TPX2: variants seen among roughly 807,000 people sequenced by gnomAD.
TPX2 encodes targeting protein for Xklp2.
TPX2 carries 21 observed loss-of-function variants against 93.6 expected under a neutral mutation model. The observed-to-expected ratio is 0.22, with a 90% CI of 0.16 to 0.32. The LOEUF is 0.32. Among genes scored for constraint, TPX2 ranks in the 10% least tolerant of loss-of-function variants. The probability of loss-of-function intolerance (pLI) is 1.00; values close to 1 mark genes in which losing one functional copy is unlikely to be tolerated. For missense variants in TPX2, 776 were observed against 871.1 expected (o/e 0.89, Z 1.37); for synonymous variants, 281 against 298.3 (o/e 0.94, Z 0.60).
At chr20:31,773,143 ATTTTTT>A (rs769516478) in intron 7 of TPX2, among the ~76,000 whole-genome samples, 1 of 102,356 alleles carries the variant, frequency 9.8e-6, no homozygotes, top group East Asian at 2.5e-4. Flanking sequence ...CACCCGGCTA[ATTTTTT>A]TTTTTTTTTT....
chr20:31,763,774 C>T lies in TPX2; in HGVS notation c.230-2782C>T, dbSNP rs1462382854. On this transcript the variant is annotated intron_variant, in intron 4 of 17. Coordinates refer to ENST00000300403, the MANE Select transcript of TPX2 (RefSeq NM_012112.5). ...ATACCTCATGCCTGTAATCCCAGCA[C>T]TTTGGGAGGCTGAGGTGGGCGGATC... is the stretch of plus-strand genomic sequence containing the variant. Among the ~76,000 whole-genome samples, 2 of 146,816 alleles carry T rather than the reference C, an allele frequency of 1.4e-5. 1 individual carries two copies. The highest frequency in any genetic ancestry group is 3.0e-5 in the Non-Finnish European group (2 of 67,162).
At position 31,798,572 on chromosome 20, in the gene TPX2, C is replaced by A; in HGVS notation, c.2133+20C>A. 1 of 1,580,548 alleles carries A rather than the reference C, an allele frequency of 6.3e-7. No individual in the cohort carries two copies. The highest frequency in any genetic ancestry group is 8.6e-7 in the Non-Finnish European group (1 of 1,166,886). On this transcript the variant is annotated intron_variant, in intron 17 of 17. Transcript: ENST00000300403. ...GAACTGGTAACTGGGAGCATGAGCA[C>A]TGACGAACACAAACATGCCTCTGTT...
At chr20:31,746,479 C>CTTAA (rs1482112690) in intron 2 of TPX2, among the ~76,000 whole-genome samples, 1 of 152,188 alleles carries the variant, frequency 6.6e-6, no homozygotes, top group East Asian at 1.9e-4. Context: ...ATGGGACCAT[C>CTTAA]TTAACTAACT....
At chr20:31,745,896 C>A (rs2061781237) in intron 2 of TPX2, among the ~76,000 whole-genome samples, 1 of 152,188 alleles carries the variant, frequency 6.6e-6, no homozygotes, top group South Asian at 2.1e-4. Flanking sequence ...TGATTTCCAT[C>A]TAGGTCCTAT....
chr20:31,791,786 G>C (rs1203322861), intron 12 of TPX2, among the ~76,000 whole-genome samples: 3 of 152,172 alleles, frequency 2.0e-5, no homozygotes, highest in Non-Finnish European at 4.4e-5. Context: ...ATGGGGGCAG[G>C]ATGTGGACAC....
At chr20:31,786,407 T>TG (rs2062066828) in intron 12 of TPX2, among the ~76,000 whole-genome samples, 8 of 142,390 alleles carry the variant, frequency 5.6e-5, no homozygotes, top group African/African-American at 1.7e-4. Context: ...ACTGTTTTTT[T>TG]TTTTTTTTGA....
chr20:31,754,678 A>G (rs969574217), intron 2 of TPX2, among the ~76,000 whole-genome samples: 4 of 152,128 alleles, frequency 2.6e-5, no homozygotes, highest in African/African-American at 9.7e-5. Context: ...ATCTTAAGGG[A>G]AGAATTATGG....
At chr20:31,783,680 G>T (rs1217416445) in intron 11 of TPX2, 25 bp from the exon 12 acceptor site, 4 of 1,573,042 alleles carry the variant, frequency 2.5e-6, no homozygotes, top group East Asian at 2.2e-5. Flanking sequence ...TTTTTTTTGT[G>T]GTTATTTAAA....
chr20:31,795,923 ATTGT>A (rs2062136306), intron 15 of TPX2, among the ~76,000 whole-genome samples: 1 of 152,158 alleles, frequency 6.6e-6, no homozygotes, highest in African/African-American at 2.4e-5. Context: ...GCTCTAGGCT[ATTGT>A]TTGTTTGTAG....
intron 8 of TPX2, among the ~76,000 whole-genome samples, chr20:31,776,331 C>T (rs1165522729): frequency 4.0e-5 from 6 of 151,768 alleles, no homozygotes; most frequent in South Asian, 2.1e-4. Context: ...CCACCCGCCT[C>T]GGCCTCCCAA....
chr20:31,766,017 TA>T (rs1425016214), intron 4 of TPX2, among the ~76,000 whole-genome samples: 1 of 152,210 alleles, frequency 6.6e-6, no homozygotes, highest in African/African-American at 2.4e-5. Flanking sequence ...GAAACTTTCT[TA>T]AATTAGTGCA....
chr20:31,752,937 A>G (rs1005750305), intron 2 of TPX2, among the ~76,000 whole-genome samples: 3 of 152,064 alleles, frequency 2.0e-5, no homozygotes, highest in African/African-American at 7.2e-5. Context: ...TTTTGTGTGA[A>G]GATATAGAGT....
intron 17 of TPX2, 91 bp downstream of exon 17, chr20:31,798,643 G>T (rs1440137892): frequency 2.9e-6 from 4 of 1,398,090 alleles, no homozygotes; most frequent in Non-Finnish European, 3.8e-6. Flanking sequence ...ATCTAAGGTA[G>T]CCCGCAAGGC....
rs1176265202 is a variant in TPX2 at position 31,792,583 on chromosome 20, A to G, written c.1414-152A>G. 4 of 686,912 alleles carry G rather than the reference A, an allele frequency of 5.8e-6. No homozygotes were observed. In the East Asian group the frequency reaches 1.1e-4, roughly 18 times the overall value. The allele number at this position is 686,912 out of a possible 1,614,324, so 42.6% of individuals were successfully genotyped here. A position where few individuals can be genotyped will look rare whatever the true frequency, so the allele number is the denominator to read the frequency against. ...TCCCAGCACTTTGCGAGGCCAAGGC[A>G]GGAAGATTGCCTGAGCCCAGGAGTT... On this transcript the variant is annotated intron_variant, in intron 12 of 17. Coordinates refer to ENST00000300403, the MANE Select transcript of TPX2 (RefSeq NM_012112.5).
At chr20:31,777,096 G>A (rs1016339330) in intron 8 of TPX2, among the ~76,000 whole-genome samples, 3 of 152,132 alleles carry the variant, frequency 2.0e-5, no homozygotes, top group Non-Finnish European at 4.4e-5. Context: ...GATTGAAAAA[G>A]CACCCCTGGA....
In TPX2 at chr20:31,797,364, G is replaced by A. The variant is rs201592791; in HGVS notation, c.1834-40G>A. 1.3e-5 allele frequency: 20 copies of A among 1,587,020 alleles called. No homozygotes were observed. In the African/African-American group the frequency reaches 2.4e-4, roughly 19 times the overall value. On this transcript the variant is annotated intron_variant, in intron 15 of 17. Coordinates refer to ENST00000300403, the MANE Select transcript of TPX2 (RefSeq NM_012112.5). ...GTTATTGAGGTAGTGGTCATAGAAA[G>A]GTGAGACATTGCTCATCTGACTGAC...
chr20:31,775,431 A>G (rs1213531387), intron 7 of TPX2, among the ~76,000 whole-genome samples: 1 of 150,730 alleles, frequency 6.6e-6, no homozygotes. Context: ...GCTGGAGTGC[A>G]GTGGCGTGAT....
chr20:31,780,603 A>G (rs904255190), intron 10 of TPX2, among the ~76,000 whole-genome samples: 1 of 152,212 alleles, frequency 6.6e-6, no homozygotes, highest in Non-Finnish European at 1.5e-5. Flanking sequence ...CAGCTAAATA[A>G]TGGTTACATG....
At chr20:31,763,020 C>G (rs1398013107) in intron 4 of TPX2, among the ~76,000 whole-genome samples, 1 of 152,116 alleles carries the variant, frequency 6.6e-6, no homozygotes, top group African/African-American at 2.4e-5. Context: ...CTATCCTATT[C>G]CATTTGTCTG....
Sources: gnomAD v4.1 joint callset for allele counts (sites outside exome capture counted in the v4.1 genomes callset) on GRCh38, gnomAD v4.1.1 for gene constraint, MANE v1.5 for transcripts, NCBI Gene and HGNC (gene_info 2026-07-23, HGNC 2026-07-21) for gene names.